RARB: variants seen among roughly 807,000 people sequenced by gnomAD.
RARB encodes the protein HBV-activated protein.
Under a neutral mutation model 51.9 loss-of-function variants are expected in RARB, and 17 were observed. The observed-to-expected ratio is 0.33, with a 90% CI of 0.22 to 0.49. The LOEUF (loss-of-function observed/expected upper bound fraction) is 0.49. RARB is among the 20% of genes least tolerant of loss of function. The pLI is 0.99. For missense variants in RARB, 369 were observed against 550.8 expected (o/e 0.67, Z 3.30); for synonymous variants, 215 against 195.4 (o/e 1.10, Z -0.84).
chr3:24,831,486 A>C (rs1702281023), intron 1 of RARB, among the ~76,000 whole-genome samples: 1 of 152,162 alleles, frequency 6.6e-6, no homozygotes, highest in Admixed American at 6.5e-5. Flanking sequence ...CATGCTCAGA[A>C]CTCTGACAAC....
intron 3 of RARB, among the ~76,000 whole-genome samples, chr3:25,550,092 A>G (rs966226344): frequency 7.1e-6 from 1 of 139,982 alleles, no homozygotes; most frequent in Non-Finnish European, 1.7e-5. Context: ...ATACTGTCTT[A>G]TGGTACTCAA....
chr3:25,344,286 A>T (rs888593923), intron 5 of RARB, among the ~76,000 whole-genome samples: 1 of 152,208 alleles, frequency 6.6e-6, no homozygotes, highest in African/African-American at 2.4e-5. Flanking sequence ...TTGTTTTTTT[A>T]AAAAGTTATG....
At chr3:25,128,049 G>C (rs1270079594) in intron 3 of RARB, among the ~76,000 whole-genome samples, 2 of 152,088 alleles carry the variant, frequency 1.3e-5, no homozygotes, top group Non-Finnish European at 2.9e-5. Flanking sequence ...CTAACCGGTT[G>C]CCTAAGGCTG....
chr3:24,966,075 A>G (rs929355225), intron 2 of RARB, among the ~76,000 whole-genome samples: 28 of 150,250 alleles, frequency 1.9e-4, no homozygotes, highest in African/African-American at 6.9e-4. Context: ...AAATGCAACT[A>G]AAGAGGCACC....
At chr3:25,259,179 A>G in intron 5 of RARB, 1 of 702,370 alleles carries the variant, frequency 1.4e-6, no homozygotes, top group Non-Finnish European at 1.7e-6. Flanking sequence ...AAGTAGAGCA[A>G]ATCCACTGTG....
chr3:25,012,831 G>A (rs1275883233), intron 2 of RARB, among the ~76,000 whole-genome samples: 5 of 152,158 alleles, frequency 3.3e-5, no homozygotes, highest in African/African-American at 9.6e-5. Context: ...AAACAATACG[G>A]TAGGCACAAC....
chr3:25,099,275 T>C (rs1447605456), intron 3 of RARB, among the ~76,000 whole-genome samples: 1 of 152,174 alleles, frequency 6.6e-6, no homozygotes, highest in Non-Finnish European at 1.5e-5. Context: ...AGTCCGATGT[T>C]AACTGTCCAT....
At chr3:25,328,026 T>C (rs1351638513) in intron 5 of RARB, among the ~76,000 whole-genome samples, 1 of 152,192 alleles carries the variant, frequency 6.6e-6, no homozygotes, top group Non-Finnish European at 1.5e-5. Flanking sequence ...AAAAACCTTA[T>C]CAAGAATTAT....
Position 24,949,997 on chromosome 3 carries a change from C to G in RARB, c.-380+91245C>G, listed in dbSNP as rs377735341. On this transcript the variant is annotated intron_variant, in intron 2 of 11. Transcript: ENST00000383772. ...GGAAGAGCGAAAGGACAGATTATAG[C>G]AGTTGCAACAATGTGTAACAAAAAT... Among the ~76,000 whole-genome samples the G allele has an allele frequency of 1.1e-4, 16 of 152,320 alleles. No homozygotes were observed. The East Asian group carries it at 2.1e-3, about 20-fold the overall frequency.
intron 2 of RARB, among the ~76,000 whole-genome samples, chr3:24,993,365 A>T (rs912780295): frequency 6.6e-6 from 1 of 152,118 alleles, no homozygotes; most frequent in African/African-American, 2.4e-5. Flanking sequence ...GCGTGGACAA[A>T]ATGTTTATTA....
At chr3:24,985,042 G>A (rs1003757348) in intron 2 of RARB, among the ~76,000 whole-genome samples, 3 of 152,106 alleles carry the variant, frequency 2.0e-5, no homozygotes, top group Admixed American at 6.5e-5. Flanking sequence ...TTTTATTCTG[G>A]AAATTCATTA....
intron 2 of RARB, among the ~76,000 whole-genome samples, chr3:24,991,454 G>A (rs28725329): frequency 0.039 from 4,698 of 120,610 alleles, 236 homozygotes; most frequent in African/African-American, 0.15. Flanking sequence ...AAAAAAAAAA[G>A]AAAAAGAAAA....
rs1436485604 is a variant in RARB at position 25,227,023 on chromosome 3, T to C, written c.178+52448T>C. ...CCTTAGTGATCCCATTTACTCTACT[T>C]ACTGTTTCGAGTTGTAGTCCACTAT... On this transcript the variant is annotated intron_variant, in intron 5 of 11. Coordinates refer to the RARB transcript ENST00000383772. Among the ~76,000 whole-genome samples the C allele has an allele frequency of 2.0e-5, 3 of 152,348 alleles. No individual in the cohort carries two copies. In the East Asian group the frequency reaches 5.8e-4, roughly 29 times the overall value.
At chr3:25,250,693 G>T (rs1246282120) in intron 5 of RARB, among the ~76,000 whole-genome samples, 2 of 152,178 alleles carry the variant, frequency 1.3e-5, no homozygotes, top group Non-Finnish European at 2.9e-5. Flanking sequence ...GTAGGATGCA[G>T]TCTGGTAGGG....
At chr3:25,062,022 A>G (rs1007595434) in intron 3 of RARB, among the ~76,000 whole-genome samples, 3 of 151,798 alleles carry the variant, frequency 2.0e-5, no homozygotes, top group African/African-American at 7.2e-5. Flanking sequence ...ATAATAGTAG[A>G]ATCAAGAATC....
intron 3 of RARB, among the ~76,000 whole-genome samples, chr3:25,070,815 T>A (rs1698752317): frequency 6.6e-6 from 1 of 152,198 alleles, no homozygotes; most frequent in African/African-American, 2.4e-5. Context: ...AGAATATGAT[T>A]AAATGAACTC....
rs1575358243 is a variant in RARB, at chr3:25,381,965, A to G, written c.179-79228A>G. Among the ~76,000 whole-genome samples, 3 of 152,152 alleles carry G rather than the reference A, an allele frequency of 2.0e-5. No individual in the cohort carries two copies. In the South Asian group the frequency reaches 6.2e-4, roughly 32 times the overall value. Reference sequence around the variant, plus strand: ...GTCTCCATCTCAATCCCTCACCACTACCACCAGCAACACCCCGAGCCATTG... The same window carrying G: ...GTCTCCATCTCAATCCCTCACCACTGCCACCAGCAACACCCCGAGCCATTG... On this transcript the variant is annotated intron_variant, in intron 5 of 11. Transcript: ENST00000383772.
At position 25,397,274 on chromosome 3, in the gene RARB, C is replaced by G. The variant is rs147262498; in HGVS notation, c.179-63919C>G. On this transcript the variant is annotated intron_variant, in intron 5 of 11. Coordinates refer to the RARB transcript ENST00000383772. ...TTGGCTCTCTAAATTTGTTTGACTT[C>G]TAGGTAAGGTTAAATCCTTCTCCCA... Among the ~76,000 whole-genome samples, 437 of 152,254 alleles carry G rather than the reference C, an allele frequency of 2.9e-3. 4 individuals are homozygous for G. Among genetic ancestry groups the G allele is most frequent in the African/African-American group, 9.0e-3 (375 of 41,548 alleles).
intron 2 of RARB, among the ~76,000 whole-genome samples, chr3:24,926,925 T>G (rs959382347): frequency 2.0e-5 from 3 of 152,018 alleles, no homozygotes; most frequent in Non-Finnish European, 2.9e-5. Flanking sequence ...CTAGTTTGAG[T>G]GTTTTCTTGT....
Sources: gnomAD v4.1 joint callset for allele counts (sites outside exome capture counted in the v4.1 genomes callset) on GRCh38, gnomAD v4.1.1 for gene constraint, MANE v1.5 for transcripts, NCBI Gene and HGNC (gene_info 2026-07-23, HGNC 2026-07-21) for gene names.